CFAP20DC: variants seen among roughly 807,000 people sequenced by gnomAD.
CFAP20DC encodes CFAP20 domain containing.
CFAP20DC carries 84 observed loss-of-function variants against 101.7 expected under a neutral mutation model. The observed-to-expected ratio is 0.83, with a 90% CI of 0.69 to 0.99. The LOEUF (loss-of-function observed/expected upper bound fraction) is 0.99, where lower values mean the gene tolerates loss of function less well. CFAP20DC is among the 50% of genes least tolerant of loss of function. The pLI is 0.00. For missense variants in CFAP20DC, 1,007 were observed against 970.3 expected (o/e 1.04, Z -0.50); for synonymous variants, 359 against 351.2 (o/e 1.02, Z -0.25).
At position 59,049,921 on chromosome 3, in the gene CFAP20DC, T is replaced by C; in HGVS notation, c.-290A>G. On this transcript the variant is annotated 5_prime_UTR_variant, in exon 1 of 17. Transcript: ENST00000482387. ...CCGGGCCGTCCCTGGGGAGTGATTGTGTGTGTAACCTACGTGACGGGGCGC... is the reference window on the plus strand; with the variant it reads ...CCGGGCCGTCCCTGGGGAGTGATTGCGTGTGTAACCTACGTGACGGGGCGC... The C allele has an allele frequency of 2.1e-6, 1 of 471,036 alleles. No homozygotes were observed. The highest frequency in any genetic ancestry group is 3.8e-6 in the Non-Finnish European group (1 of 265,740). 29.2% of individuals were successfully genotyped at this position (471,036 alleles called of 1,614,324 possible).
In CFAP20DC at chr3:58,874,172, C is replaced by T. The variant is rs2080532027; in HGVS notation, c.716-3863G>A. On this transcript the variant is annotated intron_variant, in intron 7 of 16. Coordinates refer to ENST00000482387, the MANE Select transcript of CFAP20DC (RefSeq NM_001394063.1). The surrounding 1 kb of genome is among the most constrained non-coding windows in gnomAD (Gnocchi z 5.1). Reference sequence around the variant, plus strand: ...TGGAAACCTGGTCTAATGAATGGGACCACAATCCATCTGGTTTGAAAAGTC... The same window carrying T: ...TGGAAACCTGGTCTAATGAATGGGATCACAATCCATCTGGTTTGAAAAGTC... Among the ~76,000 whole-genome samples, 1 of 152,198 alleles carries T rather than the reference C, an allele frequency of 6.6e-6. No homozygotes were observed. The highest frequency in any genetic ancestry group is 1.5e-5 in the Non-Finnish European group (1 of 68,026).
At chr3:58,881,552 T>G (rs1380557821) in intron 7 of CFAP20DC, among the ~76,000 whole-genome samples, 1 of 152,152 alleles carries the variant, frequency 6.6e-6, no homozygotes, top group Non-Finnish European at 1.5e-5. Flanking sequence ...TCAAGTTATA[T>G]GCTATTCAAC....
intron 4 of CFAP20DC, among the ~76,000 whole-genome samples, chr3:58,995,975 AATCTATCTATCTATCT>A (rs10688272): frequency 4.8e-5 from 7 of 145,160 alleles, no homozygotes; most frequent in South Asian, 4.6e-4. Flanking sequence ...CTGTATAATA[AATCTATCTATCTATCT>A]ATCTATCTAT....
chr3:58,983,397 T>C (rs993548579), intron 4 of CFAP20DC, among the ~76,000 whole-genome samples: 2 of 152,184 alleles, frequency 1.3e-5, no homozygotes, highest in African/African-American at 4.8e-5. Context: ...TGCACTAAAT[T>C]GTTTCCAATT....
chr3:58,717,759 C>T lies in CFAP20DC; in HGVS notation c.198-131G>A, dbSNP rs551119872. ...GGAAGTCTCATCCTGAATACTTTGG[C>T]TGGCAACTTATTAGCTAGAACTGGT... On this transcript the variant is annotated intron_variant, in intron 3 of 3. Coordinates refer to the CFAP20DC transcript ENST00000486145. This position sits in a 1 kb window ranked among gnomAD's most constrained non-coding sequence, Gnocchi z 4.1. 2.9e-6 allele frequency: 1 copy of T among 340,630 alleles called. No individual in the cohort carries two copies. Among genetic ancestry groups the T allele is most frequent in the Admixed American group, 3.9e-5 (1 of 25,928 alleles). The allele number at this position is 340,630 out of a possible 1,614,324, so 21.1% of individuals were successfully genotyped here. A position where few individuals can be genotyped will look rare whatever the true frequency, so the allele number is the denominator to read the frequency against.
intron 14 of CFAP20DC, among the ~76,000 whole-genome samples, chr3:58,828,778 C>A (rs1659954602): frequency 6.6e-6 from 1 of 151,098 alleles, no homozygotes; most frequent in African/African-American, 2.4e-5. Context: ...CAAATGTGCA[C>A]ATGTACCTCC....
chr3:59,013,043 G>C (rs1315504911), intron 4 of CFAP20DC, among the ~76,000 whole-genome samples: 2 of 152,132 alleles, frequency 1.3e-5, no homozygotes, highest in African/African-American at 2.4e-5. Flanking sequence ...TGTATCAGAG[G>C]AGAGAGCAAC....
intron 3 of CFAP20DC, chr3:58,725,814 C>A: frequency 4.7e-6 from 1 of 212,816 alleles, no homozygotes; most frequent in Admixed American, 5.2e-5. Flanking sequence ...GAGAGTTCAC[C>A]AAAGTTCATC....
chr3:58,880,927 G>T (rs2081186420), intron 7 of CFAP20DC, among the ~76,000 whole-genome samples: 1 of 152,116 alleles, frequency 6.6e-6, no homozygotes, highest in African/African-American at 2.4e-5. Context: ...ACAAGGCTAA[G>T]AAAAAGTCTG....
Position 58,882,869 on chromosome 3 carries a change from T to A in CFAP20DC, c.715+1676A>T, listed in dbSNP as rs571918276. Among the ~76,000 whole-genome samples the A allele has an allele frequency of 3.8e-4, 58 of 152,278 alleles. No individual in the cohort carries two copies. Among genetic ancestry groups the A allele is most frequent in the African/African-American group, 1.3e-3 (56 of 41,572 alleles). ...TTGTTCATCATACATTCTCTCGAATTTTCTGTAAGTTTGGAAATGTCATAA... is the reference window on the plus strand; with the variant it reads ...TTGTTCATCATACATTCTCTCGAATATTCTGTAAGTTTGGAAATGTCATAA... On this transcript the variant is annotated intron_variant, in intron 7 of 16. Transcript: ENST00000482387. This position sits in a 1 kb window ranked among gnomAD's most constrained non-coding sequence, Gnocchi z 4.2.
chr3:59,048,950 A>T (rs1700093938), intron 1 of CFAP20DC, among the ~76,000 whole-genome samples: 1 of 152,182 alleles, frequency 6.6e-6, no homozygotes, highest in Non-Finnish European at 1.5e-5. Context: ...TGTTTCTCCA[A>T]GTGTGATCCT....
chr3:58,923,928 G>T (rs1174469057), intron 5 of CFAP20DC, among the ~76,000 whole-genome samples: 1 of 151,986 alleles, frequency 6.6e-6, no homozygotes, highest in Non-Finnish European at 1.5e-5. Flanking sequence ...TTTGTTTTAG[G>T]TTTTTTCTCC....
rs1000946160 is a variant in CFAP20DC, at chr3:58,892,576, T to G, written c.551-7867A>C. ...CCTTTGTTAATTGTATTCCTAGATATTTTATTCTTTTTGTGGCAATTGTGA... is the reference window on the plus strand; with the variant it reads ...CCTTTGTTAATTGTATTCCTAGATAGTTTATTCTTTTTGTGGCAATTGTGA... On this transcript the variant is annotated intron_variant, in intron 6 of 16. Coordinates refer to ENST00000482387, the MANE Select transcript of CFAP20DC (RefSeq NM_001394063.1). The surrounding 1 kb of genome is among the most constrained non-coding windows in gnomAD (Gnocchi z 4.0). Among the ~76,000 whole-genome samples, 5 of 152,316 alleles carry G rather than the reference T, an allele frequency of 3.3e-5. No individual in the cohort carries two copies. The highest frequency in any genetic ancestry group is 1.9e-4 in the East Asian group (1 of 5,182).
chr3:58,781,181 G>GAAT (rs2071793151), intron 15 of CFAP20DC, among the ~76,000 whole-genome samples: 1 of 151,630 alleles, frequency 6.6e-6, no homozygotes, highest in African/African-American at 2.4e-5. Flanking sequence ...ACATACTTTT[G>GAAT]AATGACCACT....
intron 3 of CFAP20DC, among the ~76,000 whole-genome samples, chr3:58,730,297 T>C (rs2067620979): frequency 1.3e-5 from 2 of 152,248 alleles, no homozygotes; most frequent in Admixed American, 1.3e-4. Context: ...ACTTGATTAA[T>C]CATTCCATCA....
Position 58,823,123 on chromosome 3 carries a change from TTCCTTATAAAGAC to T in CFAP20DC, c.2175+8550_2175+8562del. 1.3e-5 allele frequency among the ~76,000 whole-genome samples: 2 copies of T among 152,270 alleles called. 1 individual carries two copies. The highest frequency in any genetic ancestry group is 4.1e-4 in the South Asian group (2 of 4,824). ...TTTCACTGTTTGTTCAGTTCTTCAT[TTCCTTATAAAGAC>T]TCCTGTATCATGGAAAACTTACATG... On this transcript the variant is annotated intron_variant, in intron 14 of 16. Transcript: ENST00000482387.
At chr3:58,919,935 T>G (rs2085157484) in intron 5 of CFAP20DC, among the ~76,000 whole-genome samples, 1 of 152,172 alleles carries the variant, frequency 6.6e-6, no homozygotes, top group Non-Finnish European at 1.5e-5. Flanking sequence ...ACATAAATGA[T>G]GACGTTGTTT....
At position 59,019,278 on chromosome 3, in the gene CFAP20DC, T is replaced by C. The variant is rs145547036; in HGVS notation, c.278+20279A>G. ...TTCGTTATTCTGGTGGAGGCAGTTG[T>C]GTCTTGGCTAAGCCTGGTTGTTTCC... is the stretch of plus-strand genomic sequence containing the variant. On this transcript the variant is annotated intron_variant, in intron 4 of 16. Coordinates refer to ENST00000482387, the MANE Select transcript of CFAP20DC (RefSeq NM_001394063.1). Among the ~76,000 whole-genome samples, 774 of 152,176 alleles carry C rather than the reference T, an allele frequency of 5.1e-3. 3 individuals carry two copies. Among genetic ancestry groups the C allele is most frequent in the Non-Finnish European group, 6.4e-3 (434 of 67,968 alleles).
chr3:58,720,879 T>C (rs983910828), intron 3 of CFAP20DC, among the ~76,000 whole-genome samples: 1 of 152,206 alleles, frequency 6.6e-6, no homozygotes, highest in Non-Finnish European at 1.5e-5. Context: ...GAAATGTAAA[T>C]TACAAAGGAG....
Sources: allele counts gnomAD v4.1 joint callset (sites outside exome capture counted in the v4.1 genomes callset), GRCh38; gene constraint gnomAD v4.1.1; non-coding constraint Gnocchi (gnomAD v3.1); transcripts MANE v1.5; gene names NCBI Gene and HGNC (gene_info 2026-07-23, HGNC 2026-07-21).